The following C1QTNF3 variants were observed in gnomAD, a reference collection of about 807,000 sequenced individuals.
C1QTNF3 encodes complement C1q tumor necrosis factor-related protein 3.
C1QTNF3 carries 26 observed loss-of-function variants against 32.6 expected under a neutral mutation model. That is an observed-to-expected ratio of 0.80 (90% confidence interval 0.58 to 1.11). The LOEUF (loss-of-function observed/expected upper bound fraction) is 1.11, where lower values mean the gene tolerates loss of function less well. C1QTNF3 is among the 50% of genes least tolerant of loss of function. The pLI is 0.00. For synonymous variants in C1QTNF3, 155 were observed against 146.0 expected (o/e 1.06, Z -0.44); for missense variants, 362 against 398.2 (o/e 0.91, Z 0.77).
the C1QTNF3 span, among the ~76,000 whole-genome samples, chr5:34,169,580 GA>G: frequency 6.6e-6 from 1 of 152,032 alleles, no homozygotes; most frequent in East Asian, 1.9e-4. Context: ...TCGTTCTGTT[GA>G]TTGTATCCTT....
chr5:34,238,258 C>G, the C1QTNF3 span, among the ~76,000 whole-genome samples: 11 of 152,128 alleles, frequency 7.2e-5, no homozygotes, highest in Middle Eastern at 3.2e-3. Flanking sequence ...AATTAGCCCA[C>G]TAGCTACCAA....
chr5:34,172,003 A>T, the C1QTNF3 span, among the ~76,000 whole-genome samples: 1 of 152,146 alleles, frequency 6.6e-6, no homozygotes, highest in Non-Finnish European at 1.5e-5. Context: ...GAATTTCATG[A>T]GATGTTGTCA....
chr5:34,116,824 A>G, the C1QTNF3 span, among the ~76,000 whole-genome samples: 1 of 152,118 alleles, frequency 6.6e-6, no homozygotes, highest in Non-Finnish European at 1.5e-5. Context: ...TGAACTCCTG[A>G]CTTCAAATGA....
At chr5:34,197,332 A>C in the C1QTNF3 span, among the ~76,000 whole-genome samples, 1 of 152,420 alleles carries the variant, frequency 6.6e-6, no homozygotes, top group East Asian at 1.9e-4. Flanking sequence ...TATTCTTCAG[A>C]GATGGCATGG....
the C1QTNF3 span, among the ~76,000 whole-genome samples, chr5:34,142,196 C>T: frequency 6.6e-6 from 1 of 152,160 alleles, no homozygotes; most frequent in Non-Finnish European, 1.5e-5. Context: ...CTTTGGGAGG[C>T]CAAGGTGGGC....
the C1QTNF3 span, chr5:34,165,894 C>T: frequency 2.1e-5 from 3 of 145,444 alleles, no homozygotes; most frequent in Non-Finnish European, 3.0e-5. Context: ...ATACAACAGT[C>T]TTTCTTTTAT....
intron 4 of C1QTNF3, among the ~76,000 whole-genome samples, chr5:34,025,899 G>C (rs1408273936): frequency 1.3e-5 from 2 of 152,136 alleles, no homozygotes; most frequent in Admixed American, 6.5e-5. Context: ...AACATTTAAA[G>C]ATGATTTTCA....
At chr5:34,096,787 T>C in the C1QTNF3 span, among the ~76,000 whole-genome samples, 1 of 151,968 alleles carries the variant, frequency 6.6e-6, no homozygotes, top group Non-Finnish European at 1.5e-5. Context: ...AGGAATATGA[T>C]ATATTTCCTC....
At chr5:34,139,165 T>C in the C1QTNF3 span, among the ~76,000 whole-genome samples, 5 of 151,938 alleles carry the variant, frequency 3.3e-5, no homozygotes, top group Non-Finnish European at 7.4e-5. Context: ...TATATTTGAA[T>C]GTAAATATGT....
chr5:34,137,994 G>C, the C1QTNF3 span, among the ~76,000 whole-genome samples: 3,601 of 152,218 alleles, frequency 0.024, 75 homozygotes, highest in Middle Eastern at 0.034. Flanking sequence ...CAATATATCT[G>C]GTGTCCTTTT....
the C1QTNF3 span, among the ~76,000 whole-genome samples, chr5:34,232,449 C>T: frequency 6.6e-6 from 1 of 151,850 alleles, no homozygotes; most frequent in Admixed American, 6.6e-5. Flanking sequence ...TGTCCCCACC[C>T]AAATCTCATC....
the C1QTNF3 span, among the ~76,000 whole-genome samples, chr5:34,146,898 G>A: frequency 8.5e-5 from 13 of 152,136 alleles, no homozygotes; most frequent in African/African-American, 2.6e-4. Context: ...GAAAATATTC[G>A]CAAATATATA....
the C1QTNF3 span, among the ~76,000 whole-genome samples, chr5:34,068,163 A>C: frequency 3.9e-5 from 6 of 152,050 alleles, no homozygotes; most frequent in African/African-American, 1.4e-4. Flanking sequence ...TAGAAGATAA[A>C]CTCTTCTTAG....
intron 4 of C1QTNF3, among the ~76,000 whole-genome samples, chr5:34,028,484 G>T (rs779936144): frequency 3.9e-5 from 6 of 151,956 alleles, no homozygotes; most frequent in Non-Finnish European, 5.9e-5. Flanking sequence ...TAATATTAAT[G>T]ACTATGGCCA....
At chr5:34,087,937 T>C in the C1QTNF3 span, among the ~76,000 whole-genome samples, 1 of 152,254 alleles carries the variant, frequency 6.6e-6, no homozygotes, top group African/African-American at 2.4e-5. Context: ...TCCTGTAATA[T>C]GAAACCAATT....
At chr5:34,023,422 G>A (rs1754390382) in intron 5 of C1QTNF3, among the ~76,000 whole-genome samples, 1 of 152,150 alleles carries the variant, frequency 6.6e-6, no homozygotes. Flanking sequence ...GGTAAGGAAG[G>A]CTCCAGAAGT....
the C1QTNF3 span, among the ~76,000 whole-genome samples, chr5:34,207,673 T>C: frequency 6.6e-6 from 1 of 152,130 alleles, no homozygotes; most frequent in Non-Finnish European, 1.5e-5. Context: ...ATCTACCTAC[T>C]GACTCTTAAA....
the C1QTNF3 span, among the ~76,000 whole-genome samples, chr5:34,134,299 C>A: frequency 2.0e-5 from 3 of 151,948 alleles, no homozygotes; most frequent in South Asian, 6.2e-4. Context: ...ACCATTTGCA[C>A]AGTCATAACA....
chr5:34,042,696 C>T, intron 1 of C1QTNF3, 127 bp downstream of exon 1: 2 of 887,250 alleles, frequency 2.3e-6, no homozygotes, highest in Non-Finnish European at 3.5e-6. Context: ...TCACAAGCAG[C>T]TTAGCGAACT....
Sources: allele counts gnomAD v4.1 joint callset (sites outside exome capture counted in the v4.1 genomes callset), GRCh38; gene constraint gnomAD v4.1.1; transcripts MANE v1.5; gene names NCBI Gene and HGNC (gene_info 2026-07-23, HGNC 2026-07-21).